The following ZNF821 variants were observed in gnomAD, a reference collection of about 807,000 sequenced individuals.
The protein encoded by ZNF821 is zinc finger protein 821.
Under a neutral mutation model 44.3 loss-of-function variants are expected in ZNF821, and 16 were observed. The observed-to-expected ratio is 0.36, with a 90% CI of 0.24 to 0.55. ZNF821 has a LOEUF of 0.55. ZNF821 is among the 20% of genes least tolerant of loss of function. The pLI, the probability that ZNF821 is intolerant of heterozygous loss-of-function variation, is 0.86. For synonymous variants in ZNF821, 204 were observed against 197.6 expected (o/e 1.03, Z -0.27); for missense variants, 436 against 547.6 (o/e 0.80, Z 2.03).
upstream of ZNF821, chr16:71,884,948 C>T (rs2036791592): frequency 1.3e-5 from 2 of 151,640 alleles, no homozygotes; most frequent in Non-Finnish European, 2.9e-5. Context: ...ACCTGCGCCT[C>T]CCAGGTTCAA....
chr16:71,871,750 C>A (rs2035218557), intron 3 of ZNF821, among the ~76,000 whole-genome samples: 1 of 151,666 alleles, frequency 6.6e-6, no homozygotes, highest in African/African-American at 2.4e-5. Context: ...TACACTCTCA[C>A]AATAAAAACC....
At chr16:71,864,049 C>A in intron 6 of ZNF821, 89 bp downstream of exon 6, 1 of 1,156,722 alleles carries the variant, frequency 8.6e-7, no homozygotes, top group Non-Finnish European at 1.3e-6. Context: ...CTTCAGGAGC[C>A]AGAGAGAGAC....
At chr16:71,881,837 G>C (rs1010169671) in intron 2 of ZNF821, 6 of 152,232 alleles carry the variant, frequency 3.9e-5, no homozygotes, top group African/African-American at 1.4e-4. Context: ...GGGCATGGTG[G>C]TGCACACCTG....
At chr16:71,891,085 T>C (rs2036882879) in intron 1 of ZNF821, among the ~76,000 whole-genome samples, 1 of 152,170 alleles carries the variant, frequency 6.6e-6, no homozygotes, top group Non-Finnish European at 1.5e-5. Flanking sequence ...CTTCCTGCTT[T>C]TTAACCTTTT....
upstream of ZNF821, chr16:71,885,198 TC>T (rs2036803443): frequency 6.6e-6 from 1 of 152,622 alleles, no homozygotes; most frequent in Admixed American, 6.5e-5. Flanking sequence ...CCTGTCCACG[TC>T]CTTCTCTCTC....
rs768568872 is a variant in ZNF821 at position 71,864,245 on chromosome 16, G to A, written c.313-3C>T. ...TCAGAATTCAAATTCCCTGTGACCT[G>A]TGATTCAACAAATAGGCAACTCATT... On this transcript the variant is annotated splice_region_variant and splice_polypyrimidine_tract_variant and intron_variant, in intron 5 of 7. Transcript: ENST00000425432. The A allele has an allele frequency of 2.5e-6, 4 of 1,613,668 alleles. No homozygotes were observed. Among genetic ancestry groups the A allele is most frequent in the Non-Finnish European group, 3.4e-6 (4 of 1,179,530 alleles).
At chr16:71,883,330 G>A (rs2142488317) in intron 1 of ZNF821, 57 bp from the exon 2 acceptor site, 1 of 408,814 alleles carries the variant, frequency 2.4e-6, no homozygotes, top group Non-Finnish European at 4.9e-6. Flanking sequence ...CTGTTCACCT[G>A]ACCCCTGGGG....
intron 6 of ZNF821, among the ~76,000 whole-genome samples, chr16:71,863,401 C>CTTTTTTT (rs372197045): frequency 9.2e-6 from 1 of 108,594 alleles, no homozygotes; most frequent in Admixed American, 1.0e-4. Context: ...AGCAGAATCT[C>CTTTTTTT]TTTTTTTTTT....
chr16:71,871,226 G>C (rs185260509), intron 3 of ZNF821, among the ~76,000 whole-genome samples: 3 of 152,112 alleles, frequency 2.0e-5, no homozygotes, highest in Non-Finnish European at 4.4e-5. Context: ...AGTTAATTCT[G>C]TCATTCCTTT....
intron 3 of ZNF821, among the ~76,000 whole-genome samples, chr16:71,876,871 T>C (rs548077824): frequency 6.6e-6 from 1 of 152,262 alleles, no homozygotes; most frequent in East Asian, 1.9e-4. Flanking sequence ...TCCCAAAGTG[T>C]TGGGATTACA....
chr16:71,883,294 A>C, intron 1 of ZNF821, 21 bp from the exon 2 acceptor site: 1 of 438,412 alleles, frequency 2.3e-6, no homozygotes, highest in East Asian at 7.0e-5. Flanking sequence ...GGAGAGGACA[A>C]GAAAGCTGGT....
At chr16:71,894,947 T>C (rs11075908) in exon 1 of ZNF821, 725,653 of 951,900 alleles carry the variant, frequency 0.76, 279,331 homozygotes, top group East Asian at 0.97. Flanking sequence ...TACTGAATTA[T>C]ACCACACAGA....
Position 71,884,085 on chromosome 16 carries a change from AG to A in ZNF821, c.-319del. On this transcript the variant is annotated 5_prime_UTR_variant, in exon 1 of 8. Coordinates refer to ENST00000425432, the MANE Select transcript of ZNF821 (RefSeq NM_001201552.2). ...GAGCCGAGCCGGTGGCGGGGAGCCG[AG>A]GGGCGGCGCTGCAGACGGACAAAGC... 1 of 151,920 alleles carries A rather than the reference AG, an allele frequency of 6.6e-6. No individual in the cohort carries two copies. The highest frequency in any genetic ancestry group is 1.5e-5 in the Non-Finnish European group (1 of 67,996). The allele number at this position is 151,920 out of a possible 1,614,324, so 9.4% of individuals were successfully genotyped here.
Position 71,867,913 on chromosome 16 carries a change from G to C in ZNF821, c.165C>G (p.Ser55Arg). The C allele has an allele frequency of 6.5e-7, 1 of 1,535,884 alleles. No individual in the cohort carries two copies. Among genetic ancestry groups the C allele is most frequent in the Non-Finnish European group, 8.7e-7 (1 of 1,146,800 alleles). ...ATTACCAGAAGGTGCAGAACTCACT[G>C]CTACTGGAGTCCTGATCTCTTAGTT... ...IQQLRDQDSS[S>R]SDSEGDEEET... Residue 55 changes from serine to arginine, a missense_variant and splice_region_variant, in exon 4 of 8, where the codon AGC becomes AGG. Transcript: ENST00000425432.
At chr16:71,894,986 C>T (rs1451943034) in exon 1 of ZNF821, 2 of 675,470 alleles carry the variant, frequency 3.0e-6, no homozygotes, top group Non-Finnish European at 5.0e-6. Flanking sequence ...AAAGGGCAAC[C>T]GGACGGCTTA....
At position 71,884,177 on chromosome 16, in the gene ZNF821, G is replaced by A. The variant is rs560066122; in HGVS notation, c.-410C>T. On this transcript the variant is annotated 5_prime_UTR_variant, in exon 1 of 8. Transcript: ENST00000425432. Reference sequence around the variant, plus strand: ...CGCGGGCGGCGGGAGCGCGCGGCTCGCGCACCCGCAGCTAGTGAGGCGCGT... The same window carrying A: ...CGCGGGCGGCGGGAGCGCGCGGCTCACGCACCCGCAGCTAGTGAGGCGCGT... The A allele has an allele frequency of 1.3e-5, 2 of 151,994 alleles. No individual in the cohort carries two copies. The highest frequency in any genetic ancestry group is 2.9e-5 in the Non-Finnish European group (2 of 68,034). 9.4% of individuals were successfully genotyped at this position (151,994 alleles called of 1,614,324 possible).
chr16:71,886,812 T>C (rs2036858344), upstream of ZNF821, among the ~76,000 whole-genome samples: 1 of 152,226 alleles, frequency 6.6e-6, no homozygotes, highest in East Asian at 1.9e-4. Flanking sequence ...CCAGTAGCAG[T>C]AACTCACCAT....
At chr16:71,863,733 T>C (rs1239228586) in intron 6 of ZNF821, among the ~76,000 whole-genome samples, 1 of 151,982 alleles carries the variant, frequency 6.6e-6, no homozygotes, top group Non-Finnish European at 1.5e-5. Flanking sequence ...AGTCTAACTC[T>C]GTCACCCAGG....
chr16:71,886,042 C>A (rs1284225465), upstream of ZNF821, among the ~76,000 whole-genome samples: 2 of 152,140 alleles, frequency 1.3e-5, no homozygotes, highest in African/African-American at 4.8e-5. Flanking sequence ...AAGTAGCAAA[C>A]AGGTAAAGTT....
Sources: gnomAD v4.1 joint callset for allele counts (sites outside exome capture counted in the v4.1 genomes callset) on GRCh38, gnomAD v4.1.1 for gene constraint, MANE v1.5 for transcripts, NCBI Gene and HGNC (gene_info 2026-07-23, HGNC 2026-07-21) for gene names.